The following ASXL3 variants were observed in gnomAD, a reference collection of about 807,000 sequenced individuals.
The protein encoded by ASXL3 is putative Polycomb group protein ASXL3.
Under a neutral mutation model 170.6 loss-of-function variants are expected in ASXL3, and 34 were observed. The observed-to-expected ratio is 0.20, with a 90% CI of 0.15 to 0.27. ASXL3 has a LOEUF of 0.27. Ranked by LOEUF, ASXL3 falls within the 10% of genes least tolerant of loss-of-function variation. The pLI is 1.00. For synonymous variants in ASXL3, 1,002 were observed against 989.1 expected (o/e 1.01, Z -0.24); for missense variants, 2,592 against 2,695.3 (o/e 0.96, Z 0.85).
intron 8 of ASXL3, among the ~76,000 whole-genome samples, chr18:33,728,805 C>G (rs2067391916): frequency 6.6e-6 from 1 of 152,118 alleles, no homozygotes; most frequent in African/African-American, 2.4e-5. Flanking sequence ...TTCATTTTTC[C>G]TTCTCTCTTC....
intron 3 of ASXL3, among the ~76,000 whole-genome samples, chr18:33,645,485 G>A (rs1221321316): frequency 6.6e-6 from 1 of 151,828 alleles, no homozygotes; most frequent in Non-Finnish European, 1.5e-5. Context: ...TTTTACTAAT[G>A]CACACTTGTA....
intron 2 of ASXL3, among the ~76,000 whole-genome samples, chr18:33,637,267 T>C (rs2065781825): frequency 6.6e-6 from 1 of 152,222 alleles, no homozygotes; most frequent in Non-Finnish European, 1.5e-5. Context: ...TGGCATGCCA[T>C]GATAGGCGTT....
intron 2 of ASXL3, chr18:33,616,622 C>T (rs1187945910): frequency 6.6e-6 from 1 of 152,158 alleles, no homozygotes; most frequent in East Asian, 1.9e-4. Context: ...GCTTAAGCTG[C>T]TGTAAGAAAA....
chr18:33,720,467 T>A lies in ASXL3; in HGVS notation c.880-11501T>A, dbSNP rs185850321. The stretch of plus-strand genomic sequence containing the variant: ...TATTCATGGTTGGGTACATTGGAAG[T>A]TTTTTCCCCCCTTCCCCCTCTGCTA... On this transcript the variant is annotated intron_variant, in intron 8 of 11. Coordinates refer to ENST00000269197, the MANE Select transcript of ASXL3 (RefSeq NM_030632.3). Among the ~76,000 whole-genome samples, 5 of 152,102 alleles carry A rather than the reference T, an allele frequency of 3.3e-5. No individual in the cohort carries two copies. The East Asian group carries it at 7.7e-4, about 24-fold the overall frequency.
Position 33,603,445 on chromosome 18 carries a change from C to T in ASXL3, c.55-4149C>T, listed in dbSNP as rs184956793. ...CATTTTTTTTCTCCCCATACTAGGACGTGTAGTAGTCTAGGGGAGGAAATT... is the reference window on the plus strand; with the variant it reads ...CATTTTTTTTCTCCCCATACTAGGATGTGTAGTAGTCTAGGGGAGGAAATT... On this transcript the variant is annotated intron_variant, in intron 1 of 11. Transcript: ENST00000269197. Among the ~76,000 whole-genome samples, 420 of 151,838 alleles carry T rather than the reference C, an allele frequency of 2.8e-3. 5 individuals are homozygous for T. The highest frequency in any genetic ancestry group is 9.4e-3 in the African/African-American group (389 of 41,418).
chr18:33,736,538 G>A (rs906547453), intron 10 of ASXL3, among the ~76,000 whole-genome samples: 4 of 151,728 alleles, frequency 2.6e-5, no homozygotes, highest in African/African-American at 4.8e-5. Context: ...CTGACACCAC[G>A]TGCCTTTTCA....
At chr18:33,703,161 T>C (rs1425560761) in intron 8 of ASXL3, among the ~76,000 whole-genome samples, 1 of 152,188 alleles carries the variant, frequency 6.6e-6, no homozygotes, top group Non-Finnish European at 1.5e-5. Flanking sequence ...CAGTCTCCTC[T>C]TAATTGCTCA....
At chr18:33,598,150 T>A (rs1390546578) in intron 1 of ASXL3, among the ~76,000 whole-genome samples, 1 of 152,174 alleles carries the variant, frequency 6.6e-6, no homozygotes, top group Non-Finnish European at 1.5e-5. Flanking sequence ...ATCCTACATC[T>A]GCAAATATTG....
intron 2 of ASXL3, among the ~76,000 whole-genome samples, chr18:33,629,738 C>G (rs1342899993): frequency 6.6e-6 from 1 of 151,940 alleles, no homozygotes; most frequent in Non-Finnish European, 1.5e-5. Context: ...TTTATAGATA[C>G]ATTTCTCCTC....
intron 8 of ASXL3, among the ~76,000 whole-genome samples, chr18:33,708,054 G>C (rs2066992267): frequency 1.3e-5 from 2 of 152,152 alleles, no homozygotes; most frequent in Admixed American, 1.3e-4. Context: ...TTACAGTTTT[G>C]ATCAAGTGGA....
chr18:33,739,221 C>T lies in ASXL3; in HGVS notation c.1817C>T (p.Ala606Val). 1.2e-6 allele frequency: 2 copies of T among 1,613,788 alleles called. No homozygotes were observed. The highest frequency in any genetic ancestry group is 8.5e-7 in the Non-Finnish European group (1 of 1,179,826). Residue 606 changes from alanine to valine, a missense_variant, in exon 11 of 12, where the codon GCC (alanine) becomes GTC (valine). Physicochemically the swap from Ala to Val is moderately conservative, Grantham distance 64 (BLOSUM62 0). Transcript: ENST00000269197. The stretch of plus-strand genomic sequence containing the variant: ...CCTGAAGAACAGCTTTCAGAAAATG[C>T]CTGCATCTCTGAAACGTCCTTTTCT... ...SDPEEQLSEN[A>V]CISETSFSSE...
At chr18:33,718,839 C>T (rs1431511833) in intron 8 of ASXL3, among the ~76,000 whole-genome samples, 2 of 151,758 alleles carry the variant, frequency 1.3e-5, no homozygotes, top group African/African-American at 4.8e-5. Flanking sequence ...ATAAGCAAGT[C>T]ATAGGTCCTT....
At chr18:33,715,371 T>C (rs1278073959) in intron 8 of ASXL3, among the ~76,000 whole-genome samples, 1 of 152,242 alleles carries the variant, frequency 6.6e-6, no homozygotes, top group Non-Finnish European at 1.5e-5. Context: ...ACAGATCTAC[T>C]ATATATGTTA....
At chr18:33,682,985 ATC>A (rs1295007902) in intron 7 of ASXL3, among the ~76,000 whole-genome samples, 1 of 152,164 alleles carries the variant, frequency 6.6e-6, no homozygotes, top group Non-Finnish European at 1.5e-5. Context: ...TGCTATCAGT[ATC>A]TCTATTAAAA....
chr18:33,579,485 T>C (rs2064974823), intron 1 of ASXL3, among the ~76,000 whole-genome samples: 2 of 152,202 alleles, frequency 1.3e-5, no homozygotes, highest in African/African-American at 4.8e-5. Context: ...CTTTTCCTTT[T>C]CTTTAACCTT....
In ASXL3 at chr18:33,739,050, C is replaced by T. The variant is rs770142296; in HGVS notation, c.1646C>T (p.Ser549Phe). ...VCDSLIPSTS[S>F]MTHVSDTEHK... ...GACTCTCTTATTCCTTCCACTTCATCTATGACTCATGTCAGTGACACAGAA... is the reference window on the plus strand; with the variant it reads ...GACTCTCTTATTCCTTCCACTTCATTTATGACTCATGTCAGTGACACAGAA... The change falls in exon 11 of 12, where the codon TCT (serine) becomes TTT (phenylalanine). Residue 549 changes from serine to phenylalanine, a missense_variant. Around this residue, in one of 4 missense-constraint regions of ASXL3, gnomAD observed 2,246 missense variants for 2,219.6 expected, o/e 1.01. Coordinates refer to ENST00000269197, the MANE Select transcript of ASXL3 (RefSeq NM_030632.3). The T allele has an allele frequency of 5.0e-6, 8 of 1,613,296 alleles. No individual in the cohort carries two copies. The South Asian group carries it at 8.8e-5, about 18-fold the overall frequency.
intron 11 of ASXL3, among the ~76,000 whole-genome samples, chr18:33,742,047 AGATTGTG>A (rs1313730306): frequency 6.6e-6 from 1 of 152,222 alleles, no homozygotes; most frequent in Non-Finnish European, 1.5e-5. Context: ...AAAATTCAGC[AGATTGTG>A]GATTACCAAT....
At chr18:33,673,261 AC>A (rs563343450) in intron 7 of ASXL3, among the ~76,000 whole-genome samples, 131 of 152,342 alleles carry the variant, frequency 8.6e-4, no homozygotes, top group African/African-American at 3.0e-3. Flanking sequence ...TAATGAGTGT[AC>A]AAAAATTTAA....
At chr18:33,697,897 C>G (rs930314335) in intron 8 of ASXL3, among the ~76,000 whole-genome samples, 2 of 152,084 alleles carry the variant, frequency 1.3e-5, no homozygotes, top group African/African-American at 4.8e-5. Flanking sequence ...AATTTTCTCT[C>G]TATGATACTC....
Sources: allele counts gnomAD v4.1 joint callset (sites outside exome capture counted in the v4.1 genomes callset), GRCh38; gene constraint gnomAD v4.1.1; regional missense constraint gnomAD v4.1.1; transcripts MANE v1.5; gene names NCBI Gene and HGNC (gene_info 2026-07-23, HGNC 2026-07-21).